DENND2A: variants seen among roughly 807,000 people sequenced by gnomAD.
DENND2A encodes the protein DENN domain-containing protein 2A.
Under a neutral mutation model 105.3 loss-of-function variants are expected in DENND2A, and 53 were observed. That is an observed-to-expected ratio of 0.50 (90% CI 0.40 to 0.63). The LOEUF (loss-of-function observed/expected upper bound fraction) is 0.63. Ranked by LOEUF, DENND2A falls within the 30% of genes least tolerant of loss-of-function variation. DENND2A has a pLI of 0.00. For synonymous variants in DENND2A, 522 were observed against 508.4 expected, an observed-to-expected ratio of 1.03 and a Z score of -0.36; for missense variants, 1,138 against 1,279.6, an observed-to-expected ratio of 0.89 and a Z score of 1.69.
At chr7:140,543,418 A>G (rs1009653541) in intron 14 of DENND2A, among the ~76,000 whole-genome samples, 1 of 151,192 alleles carries the variant, frequency 6.6e-6, no homozygotes, top group African/African-American at 2.4e-5. Flanking sequence ...TACAGGCGTG[A>G]GCCACCATGC....
At chr7:140,623,073 G>A (rs1035900917) in intron 1 of DENND2A, among the ~76,000 whole-genome samples, 7 of 151,156 alleles carry the variant, frequency 4.6e-5, no homozygotes, top group African/African-American at 1.7e-4. Context: ...GGTGGCTCAC[G>A]CCTGTAATCC....
intron 1 of DENND2A, among the ~76,000 whole-genome samples, chr7:140,626,142 T>G (rs1165105789): frequency 2.6e-5 from 4 of 152,236 alleles, no homozygotes; most frequent in Non-Finnish European, 5.9e-5. Context: ...AGGTCCACCT[T>G]GACGGCACCG....
At position 140,557,522 on chromosome 7, in the gene DENND2A, TA is replaced by T. The variant is rs1563139207; in HGVS notation, c.1959+620del. Among the ~76,000 whole-genome samples the T allele has an allele frequency of 3.6e-3, 109 of 30,052 alleles. 1 individual carries two copies. Among genetic ancestry groups the T allele is most frequent in the Non-Finnish European group, 6.3e-3 (75 of 11,962 alleles). The allele number at this position is 30,052 out of a possible 152,430, so 19.7% of individuals were successfully genotyped here. ...TTTTATTTTTTAGTATATATATATA[TA>T]TATATATATTTTTTTTTTTTTTTTT... On this transcript the variant is annotated intron_variant, in intron 11 of 19. Coordinates refer to ENST00000496613, the MANE Select transcript of DENND2A (RefSeq NM_015689.5).
intron 1 of DENND2A, among the ~76,000 whole-genome samples, chr7:140,609,538 A>C (rs1055739493): frequency 6.6e-6 from 1 of 152,198 alleles, no homozygotes; most frequent in Non-Finnish European, 1.5e-5. Context: ...AACAAACAAA[A>C]AAAATTAATT....
intron 5 of DENND2A, among the ~76,000 whole-genome samples, chr7:140,575,960 C>A (rs1798282624): frequency 6.9e-6 from 1 of 143,958 alleles, no homozygotes; most frequent in Admixed American, 7.0e-5. Context: ...CAGAGCAAGA[C>A]TCTATCTCAA....
intron 16 of DENND2A, among the ~76,000 whole-genome samples, chr7:140,525,153 C>CTTTTT (rs1198329788): frequency 8.9e-6 from 1 of 112,014 alleles, no homozygotes; most frequent in African/African-American, 3.6e-5. Flanking sequence ...GAGACCCTGT[C>CTTTTT]TTTTTTTTTT....
intron 1 of DENND2A, among the ~76,000 whole-genome samples, chr7:140,621,401 T>C (rs961431463): frequency 3.3e-5 from 5 of 151,442 alleles, no homozygotes; most frequent in African/African-American, 1.2e-4. Flanking sequence ...AAATGCTACG[T>C]AAATAGTTGT....
In DENND2A at chr7:140,630,021, C is replaced by T. The variant is rs191305694; in HGVS notation, c.-248+10483G>A. Among the ~76,000 whole-genome samples, 408 of 151,912 alleles carry T rather than the reference C, an allele frequency of 2.7e-3. 1 individual carries two copies. Among genetic ancestry groups the T allele is most frequent in the African/African-American group, 9.3e-3 (387 of 41,426 alleles). On this transcript the variant is annotated intron_variant, in intron 1 of 19. Coordinates refer to ENST00000496613, the MANE Select transcript of DENND2A (RefSeq NM_015689.5). The stretch of plus-strand genomic sequence containing the variant: ...TACAACAGGTGCCTGCCACCATGCC[C>T]GGCTAATTTTTGTATTTTTAGTGGA...
At chr7:140,586,404 CACAA>C (rs1401122646) in intron 4 of DENND2A, among the ~76,000 whole-genome samples, 7 of 136,710 alleles carry the variant, frequency 5.1e-5, no homozygotes, top group South Asian at 2.3e-4. Flanking sequence ...CACACACACA[CACAA>C]ATTAACTGAG....
At chr7:140,607,898 G>T (rs1026092647) in intron 1 of DENND2A, among the ~76,000 whole-genome samples, 1 of 152,174 alleles carries the variant, frequency 6.6e-6, no homozygotes, top group African/African-American at 2.4e-5. Context: ...GCTGTGTGCA[G>T]GATGCACCGA....
chr7:140,579,153 C>T (rs1017310980), intron 5 of DENND2A, among the ~76,000 whole-genome samples: 1 of 151,540 alleles, frequency 6.6e-6, no homozygotes, highest in African/African-American at 2.4e-5. Flanking sequence ...ATTAGCTGGG[C>T]ATGGTGGCGC....
chr7:140,546,356 T>C lies in DENND2A; in HGVS notation c.2178+443A>G, dbSNP rs186618719. On this transcript the variant is annotated intron_variant, in intron 13 of 19. Transcript: ENST00000496613. ...TAGCTTGAACCTGGGAGGCAGAGGTTGCAGTGAGCCGAGATCACACCACTG... is the reference window on the plus strand; with the variant it reads ...TAGCTTGAACCTGGGAGGCAGAGGTCGCAGTGAGCCGAGATCACACCACTG... Among the ~76,000 whole-genome samples, 361 of 150,650 alleles carry C rather than the reference T, an allele frequency of 2.4e-3. 1 individual carries two copies. Among genetic ancestry groups the C allele is most frequent in the African/African-American group, 8.6e-3 (352 of 40,938 alleles).
chr7:140,531,484 C>T (rs866573979), intron 14 of DENND2A, among the ~76,000 whole-genome samples: 1 of 152,076 alleles, frequency 6.6e-6, no homozygotes, highest in African/African-American at 2.4e-5. Flanking sequence ...GTGTGCTGCA[C>T]GTTTCCCAGC....
At position 140,615,459 on chromosome 7, in the gene DENND2A, G is replaced by C. The variant is rs112005719; in HGVS notation, c.-247-9653C>G. Among the ~76,000 whole-genome samples, 1,318 of 152,072 alleles carry C rather than the reference G, an allele frequency of 8.7e-3. 24 individuals carry two copies. Among genetic ancestry groups the C allele is most frequent in the African/African-American group, 0.03 (1,247 of 41,486 alleles). On this transcript the variant is annotated intron_variant, in intron 1 of 19. Transcript: ENST00000496613. ...ATCAAGTCCTTAGAGCACGACACCA[G>C]GTAGATGGAGGCAGTACCAAAGGCA...
At chr7:140,585,830 T>C in intron 4 of DENND2A, 120 bp from the exon 5 acceptor site, 1 of 1,410,524 alleles carries the variant, frequency 7.1e-7, no homozygotes, top group South Asian at 1.3e-5. Context: ...ATCTGCTGTT[T>C]TGCCATCCAT....
intron 4 of DENND2A, among the ~76,000 whole-genome samples, chr7:140,586,572 AAAAG>A (rs928848227): frequency 1.3e-5 from 2 of 152,146 alleles, no homozygotes; most frequent in African/African-American, 4.8e-5. Context: ...TAAAAAATAA[AAAAG>A]AAAGAAAGAA....
At chr7:140,540,596 G>C (rs1032617615) in intron 14 of DENND2A, among the ~76,000 whole-genome samples, 9 of 152,244 alleles carry the variant, frequency 5.9e-5, no homozygotes, top group Non-Finnish European at 1.0e-4. Flanking sequence ...TCTGGTGACA[G>C]CAGCTCTGTG....
At chr7:140,615,394 G>A (rs981830968) in intron 1 of DENND2A, among the ~76,000 whole-genome samples, 3 of 152,164 alleles carry the variant, frequency 2.0e-5, no homozygotes, top group African/African-American at 7.2e-5. Flanking sequence ...ACCCTTCTTG[G>A]ACCAAATGCT....
chr7:140,592,594 T>C (rs1015608219), intron 3 of DENND2A, among the ~76,000 whole-genome samples: 7 of 145,302 alleles, frequency 4.8e-5, no homozygotes, highest in African/African-American at 1.9e-4. Context: ...ATCCGTGCCC[T>C]GCCCTTTTTT....
Sources: gnomAD v4.1 joint callset for allele counts (sites outside exome capture counted in the v4.1 genomes callset) on GRCh38, gnomAD v4.1.1 for gene constraint, MANE v1.5 for transcripts, NCBI Gene and HGNC (gene_info 2026-07-23, HGNC 2026-07-21) for gene names.